STPG2: variants seen among roughly 807,000 people sequenced by gnomAD.
STPG2 encodes sperm tail PG-rich repeat containing 2.
A neutral mutation model predicts 54.2 loss-of-function variants in STPG2; 56 were observed. That is an observed-to-expected ratio of 1.03 (90% confidence interval 0.83 to 1.29). The LOEUF (loss-of-function observed/expected upper bound fraction) is 1.29. Ranked by LOEUF, STPG2 falls within the 50% of genes most tolerant of loss-of-function variation. The probability of loss-of-function intolerance (pLI) is 0.00; values close to 1 mark genes in which losing one functional copy is unlikely to be tolerated. For missense variants in STPG2, 596 were observed against 544.9 expected, an observed-to-expected ratio of 1.09 and a Z score of -0.93; for synonymous variants, 200 against 181.8, an observed-to-expected ratio of 1.10 and a Z score of -0.81.
intron 7 of STPG2, among the ~76,000 whole-genome samples, chr4:97,967,041 C>T (rs571693679): frequency 3.3e-5 from 5 of 151,968 alleles, no homozygotes; most frequent in Admixed American, 1.3e-4. Flanking sequence ...GGCTGAATGC[C>T]CCAATTAAAA....
chr4:97,802,875 T>A (rs1307910576), intron 9 of STPG2, among the ~76,000 whole-genome samples: 1 of 152,292 alleles, frequency 6.6e-6, no homozygotes, highest in East Asian at 1.9e-4. Flanking sequence ...AGTAATATAT[T>A]TGAAGTAAAA....
At chr4:98,119,071 G>A (rs1382874997) in intron 3 of STPG2, among the ~76,000 whole-genome samples, 6 of 152,120 alleles carry the variant, frequency 3.9e-5, no homozygotes, top group Admixed American at 3.9e-4. Flanking sequence ...ATCAATAGAT[G>A]TTAAAACTAT....
chr4:97,934,977 A>G (rs565904255), intron 8 of STPG2, among the ~76,000 whole-genome samples: 1 of 152,304 alleles, frequency 6.6e-6, no homozygotes, highest in East Asian at 1.9e-4. Flanking sequence ...CTGTGAATTC[A>G]TCTGATACTG....
At chr4:97,959,605 G>A (rs919069768) in intron 7 of STPG2, among the ~76,000 whole-genome samples, 4 of 151,912 alleles carry the variant, frequency 2.6e-5, no homozygotes, top group African/African-American at 7.2e-5. Context: ...AAACCTAGAG[G>A]AGATGGATAA....
intron 9 of STPG2, among the ~76,000 whole-genome samples, chr4:97,738,955 A>C (rs1320018108): frequency 6.6e-6 from 1 of 152,188 alleles, no homozygotes; most frequent in Non-Finnish European, 1.5e-5. Context: ...TTGACCAAAT[A>C]GTTGGAAGTA....
chr4:97,460,304 A>T (rs1578316821), intron 4 of STPG2, among the ~76,000 whole-genome samples: 1 of 152,074 alleles, frequency 6.6e-6, no homozygotes. Flanking sequence ...TACAATAGGC[A>T]TGTTATATAT....
intron 9 of STPG2, among the ~76,000 whole-genome samples, chr4:97,829,136 C>T (rs1425700956): frequency 6.6e-6 from 1 of 152,086 alleles, no homozygotes; most frequent in South Asian, 2.1e-4. Flanking sequence ...TGGCTGGCAT[C>T]CGGTGGGTGC....
intron 10 of STPG2, among the ~76,000 whole-genome samples, chr4:97,667,424 A>G (rs1455903922): frequency 6.6e-6 from 1 of 152,230 alleles, no homozygotes; most frequent in Non-Finnish European, 1.5e-5. Flanking sequence ...AAGCAAGTAT[A>G]TAGTAAGACT....
chr4:97,754,069 T>G (rs1413613204), intron 9 of STPG2, among the ~76,000 whole-genome samples: 1 of 152,078 alleles, frequency 6.6e-6, no homozygotes, highest in African/African-American at 2.4e-5. Context: ...CTATAGTGTT[T>G]TCTTCTAATA....
intron 10 of STPG2, among the ~76,000 whole-genome samples, chr4:97,699,237 T>A (rs1297471471): frequency 6.6e-6 from 1 of 152,196 alleles, no homozygotes; most frequent in Non-Finnish European, 1.5e-5. Flanking sequence ...AGCCCATGCA[T>A]AACCTCCATC....
chr4:97,796,479 T>C (rs1442404237), intron 9 of STPG2, among the ~76,000 whole-genome samples: 1 of 152,222 alleles, frequency 6.6e-6, no homozygotes, highest in East Asian at 1.9e-4. Flanking sequence ...ATTTCTTGTT[T>C]GTGTCAGGTT....
rs1734002785 is a variant in STPG2, at chr4:97,621,256, C to A, written c.1321-62139G>T. 1.3e-5 allele frequency among the ~76,000 whole-genome samples: 2 copies of A among 151,734 alleles called. 1 individual carries two copies. The highest frequency in any genetic ancestry group is 4.1e-4 in the South Asian group (2 of 4,820). On this transcript the variant is annotated intron_variant, in intron 10 of 10. Transcript: ENST00000295268. ...ACTAGAGACACAAGAGCAAATAAAC[C>A]CCAAAACTAGCAGAGGACAAGAAAT...
intron 8 of STPG2, among the ~76,000 whole-genome samples, chr4:97,906,939 C>T (rs1731451460): frequency 6.6e-6 from 1 of 151,310 alleles, no homozygotes; most frequent in Admixed American, 6.6e-5. Context: ...TGGAAGCATT[C>T]CCTTTGAAAA....
chr4:98,093,311 T>A (rs953652389), intron 5 of STPG2, among the ~76,000 whole-genome samples: 4 of 152,220 alleles, frequency 2.6e-5, no homozygotes, highest in African/African-American at 9.6e-5. Context: ...TAAATTATAA[T>A]GTCATAAATA....
intron 8 of STPG2, among the ~76,000 whole-genome samples, chr4:97,850,819 T>C (rs1729136548): frequency 2.0e-5 from 3 of 152,118 alleles, no homozygotes; most frequent in East Asian, 3.9e-4. Flanking sequence ...CTTGGGCACA[T>C]TGATATTCTA....
chr4:97,732,454 C>T (rs1260081674), intron 9 of STPG2, among the ~76,000 whole-genome samples: 1 of 152,136 alleles, frequency 6.6e-6, no homozygotes, highest in Non-Finnish European at 1.5e-5. Context: ...GTCCATTCCC[C>T]AATTTATGTT....
intron 5 of STPG2, among the ~76,000 whole-genome samples, chr4:98,005,311 A>C (rs960624346): frequency 2.6e-5 from 4 of 152,154 alleles, no homozygotes; most frequent in African/African-American, 9.7e-5. Flanking sequence ...ACACCCTCAC[A>C]GACACACCTA....
At chr4:97,460,837 T>C (rs915453714) in intron 4 of STPG2, among the ~76,000 whole-genome samples, 11 of 152,214 alleles carry the variant, frequency 7.2e-5, no homozygotes, top group African/African-American at 2.4e-4. Flanking sequence ...CACCATTGCC[T>C]AATATTGAAC....
intron 8 of STPG2, among the ~76,000 whole-genome samples, chr4:97,849,253 T>G (rs1729071024): frequency 6.6e-6 from 1 of 151,716 alleles, no homozygotes; most frequent in Non-Finnish European, 1.5e-5. Context: ...TTTTATTCTC[T>G]TTGAAGCAAT....
Sources: allele counts gnomAD v4.1 joint callset (sites outside exome capture counted in the v4.1 genomes callset), GRCh38; gene constraint gnomAD v4.1.1; transcripts MANE v1.5; gene names NCBI Gene and HGNC (gene_info 2026-07-23, HGNC 2026-07-21).